The following G6PD variants were observed in gnomAD, a reference collection of about 807,000 sequenced individuals.
The protein encoded by G6PD is glucose-6-phosphate 1-dehydrogenase.
Under a neutral mutation model 38.2 loss-of-function variants are expected in G6PD, and 2 were observed. The ratio of observed to expected loss-of-function variants is 0.05; its 90% confidence interval spans 0.02 to 0.16. The LOEUF (loss-of-function observed/expected upper bound fraction) is 0.16. Ranked by LOEUF, G6PD falls within the 10% of genes least tolerant of loss-of-function variation. G6PD has a pLI of 1.00. For missense variants in G6PD, 310 were observed against 471.6 expected, an observed-to-expected ratio of 0.66 and a Z score of 3.17; for synonymous variants, 188 against 196.0, an observed-to-expected ratio of 0.96 and a Z score of 0.34.
At chrX:154,545,258 G>A (rs1327435506) in intron 2 of G6PD, among the ~76,000 whole-genome samples, 1 of 111,666 alleles carries the variant, frequency 9.0e-6, no homozygotes, top group African/African-American at 3.3e-5. Context: ...CAGGTGGGGT[G>A]AGGCAGAGCT....
intron 1 of G6PD, 105 bp downstream of exon 1, chrX:154,546,684 C>T (rs1207567466): frequency 3.0e-6 from 2 of 673,735 alleles, no homozygotes; most frequent in Non-Finnish European, 4.4e-6. Flanking sequence ...CCTCTCGATT[C>T]TGCTCGGTTC....
At position 154,531,707 on chromosome X, in the gene G6PD, A is replaced by C; in HGVS notation, c.*293T>G. Reference sequence around the variant, plus strand: ...CCCAGTGGCCAATAAGCTCTGGGACAGACGAATGGGCGCCCTCCTCCTTCC... The same window carrying C: ...CCCAGTGGCCAATAAGCTCTGGGACCGACGAATGGGCGCCCTCCTCCTTCC... On this transcript the variant is annotated 3_prime_UTR_variant, in exon 13 of 13. Transcript: ENST00000393562. 1 of 330,888 alleles carries C rather than the reference A, an allele frequency of 3.0e-6. No homozygotes were observed. Among genetic ancestry groups the C allele is most frequent in the East Asian group, 6.0e-5 (1 of 16,781 alleles). 27.3% of individuals were successfully genotyped at this position (330,888 alleles called of 1,213,427 possible). A position where few individuals can be genotyped will look rare whatever the true frequency, so the allele number is the denominator to read the frequency against.
Position 154,534,477 on chromosome X carries a change from C to T in G6PD, c.505G>A (p.Val169Met), listed in dbSNP as rs782436684. 11 of 1,211,670 alleles carry T rather than the reference C, an allele frequency of 9.1e-6. No individual in the cohort carries two copies. Among genetic ancestry groups the T allele is most frequent in the East Asian group, 3.0e-5 (1 of 33,845 alleles). Reference sequence around the variant, plus strand: ...AGGTCCCTCCCGAAGGGCTTCTCCACGATGATGCGGTTCCAGCCTCTGCTG... The same window carrying T: ...AGGTCCCTCCCGAAGGGCTTCTCCATGATGATGCGGTTCCAGCCTCTGCTG... Reference protein sequence around the residue: ...MSQIGWNRIIVEKPFGRDLQS... With the variant: ...MSQIGWNRIIMEKPFGRDLQS... The change falls in exon 6 of 13, where the codon GTG becomes ATG. Residue 169 changes from valine (V) to methionine (M), a missense_variant. By Grantham distance (21) the Val-to-Met change is conservative. Coordinates refer to ENST00000393562, the MANE Select transcript of G6PD (RefSeq NM_001360016.2).
At chrX:154,542,000 T>A (rs1453414051) in intron 2 of G6PD, among the ~76,000 whole-genome samples, 1 of 112,047 alleles carries the variant, frequency 8.9e-6, no homozygotes, top group Non-Finnish European at 1.9e-5. Flanking sequence ...AGCTGGTTCC[T>A]GGCCACTGGG....
upstream of G6PD, chrX:154,547,482 C>T (rs782577241): frequency 1.3e-4 from 100 of 754,384 alleles, no homozygotes; most frequent in South Asian, 3.1e-3. Context: ...CTTCCGCGGG[C>T]CTGCAGAGCC....
intron 2 of G6PD, among the ~76,000 whole-genome samples, chrX:154,537,408 G>A (rs1183341355): frequency 1.8e-5 from 2 of 111,922 alleles, no homozygotes; most frequent in Non-Finnish European, 1.9e-5. Context: ...ACCTGAGTTC[G>A]GGAGTTCAAG....
In G6PD at chrX:154,532,102, C is replaced by T. The variant is rs369024848; in HGVS notation, c.1458-12G>A. ...CCGTGGGGCCTCGGCTGGAGAGTGA[C>T]GGGTGGAGGAGAGGCATGAGGTAGC... is the stretch of plus-strand genomic sequence containing the variant. On this transcript the variant is annotated splice_polypyrimidine_tract_variant and intron_variant, in intron 12 of 12. Coordinates refer to ENST00000393562, the MANE Select transcript of G6PD (RefSeq NM_001360016.2). 3.1e-4 allele frequency: 370 copies of T among 1,203,686 alleles called. No homozygotes were observed. Among genetic ancestry groups the T allele is most frequent in the Non-Finnish European group, 3.9e-4 (348 of 892,394 alleles).
intron 2 of G6PD, among the ~76,000 whole-genome samples, chrX:154,544,586 T>C (rs1471440041): frequency 1.8e-5 from 2 of 112,432 alleles, no homozygotes; most frequent in Admixed American, 9.4e-5. Context: ...TGAGCCACCG[T>C]GCCCGGCCAG....
intron 8 of G6PD, 148 bp downstream of exon 8, chrX:154,533,428 T>A (rs2070366022): frequency 1.5e-6 from 1 of 680,140 alleles, no homozygotes; most frequent in South Asian, 2.8e-5. Context: ...CCAGTCCAGG[T>A]CACCTCCGGG....
At chrX:154,545,859 C>G in intron 2 of G6PD, 177 bp downstream of exon 2, 5 of 407,788 alleles carry the variant, frequency 1.2e-5, no homozygotes, top group Non-Finnish European at 1.2e-5. Context: ...AAAAAAAAGT[C>G]TTGCAAGTGC....
chrX:154,534,195 G>A (rs1557230250), intron 6 of G6PD, 35 bp from the exon 7 acceptor site: 2 of 1,210,648 alleles, frequency 1.7e-6, no homozygotes, highest in Non-Finnish European at 2.2e-6. Flanking sequence ...AACTGACCTT[G>A]GGCCTCTGTG....
chrX:154,532,627 C>A lies in G6PD; in HGVS notation c.1227G>T (p.Pro409=), dbSNP rs781879876. The A allele has an allele frequency of 8.2e-7, 1 of 1,212,381 alleles. No homozygotes were observed. The highest frequency in any genetic ancestry group is 2.2e-5 in the Admixed American group (1 of 46,118). ...AVYTKMMTKK[P]GMFFNPEESE... ...ACTCCTCGGGGTTGAAGAACATGCCCGGCTTCTTGGTCATCATCTTGGTGT... is the reference window on the plus strand; with the variant it reads ...ACTCCTCGGGGTTGAAGAACATGCCAGGCTTCTTGGTCATCATCTTGGTGT... The change falls in exon 10 of 13, where the codon CCG becomes CCT. Residue 409 remains proline, a synonymous_variant. Coordinates refer to ENST00000393562, the MANE Select transcript of G6PD (RefSeq NM_001360016.2).
chrX:154,541,049 T>G (rs782024609), intron 2 of G6PD: 1 of 111,822 alleles, frequency 8.9e-6, no homozygotes, highest in African/African-American at 3.3e-5. Context: ...AACTCACGGC[T>G]GGCCCCACAC....
At chrX:154,536,951 G>A (rs743544) in intron 2 of G6PD, among the ~76,000 whole-genome samples, 4,324 of 112,604 alleles carry the variant, frequency 0.038, 192 homozygotes, top group East Asian at 0.33. Flanking sequence ...GAACAAAGCT[G>A]GAAATTGGTG....
chrX:154,545,560 C>T (rs1441384174), intron 2 of G6PD, among the ~76,000 whole-genome samples: 2 of 111,796 alleles, frequency 1.8e-5, no homozygotes, highest in African/African-American at 3.3e-5. Flanking sequence ...TGCAGCCGGG[C>T]GTGGTGGCTC....
intron 11 of G6PD, 28 bp downstream of exon 11, chrX:154,532,358 T>C (rs1365431257): frequency 6.6e-6 from 8 of 1,210,179 alleles, no homozygotes; most frequent in Admixed American, 2.2e-5. Context: ...AGCCCACAGG[T>C]ATGCAGGGGC....
chrX:154,542,197 G>A (rs1377632165), intron 2 of G6PD: 5 of 694,751 alleles, frequency 7.2e-6, no homozygotes, highest in African/African-American at 6.6e-5. Flanking sequence ...AAGGGGAGGC[G>A]GGGGCCGCTG....
At chrX:154,541,227 G>T (rs2070495386) in intron 2 of G6PD, 1 of 112,123 alleles carries the variant, frequency 8.9e-6, no homozygotes, top group African/African-American at 3.2e-5. Context: ...CTGGTGGCAG[G>T]GGACTGGTCT....
At chrX:154,545,882 G>C (rs2070694418) in intron 2 of G6PD, 154 bp downstream of exon 2, 1 of 651,157 alleles carries the variant, frequency 1.5e-6, no homozygotes, top group Non-Finnish European at 2.4e-6. Flanking sequence ...ATGCACACCA[G>C]GTAGAGCCGG....
Sources: allele counts gnomAD v4.1 joint callset (sites outside exome capture counted in the v4.1 genomes callset), GRCh38; gene constraint gnomAD v4.1.1; transcripts MANE v1.5; gene names NCBI Gene and HGNC (gene_info 2026-07-23, HGNC 2026-07-21).